PDPK1: variants seen among roughly 807,000 people sequenced by gnomAD.
PDPK1 encodes the protein 3-phosphoinositide-dependent protein kinase 1.
PDPK1 carries 7 observed loss-of-function variants against 39.8 expected under a neutral mutation model. That is an observed-to-expected ratio of 0.18 (90% CI 0.10 to 0.33). PDPK1 has a LOEUF of 0.33. Ranked by LOEUF, PDPK1 falls within the 10% of genes least tolerant of loss-of-function variation. The pLI is 1.00. For missense variants in PDPK1, 182 were observed against 384.7 expected (o/e 0.47, Z 4.41); for synonymous variants, 118 against 159.1 (o/e 0.74, Z 1.95).
At position 2,602,097 on chromosome 16, in the gene PDPK1, C is replaced by T. The variant is rs539689181; in HGVS notation, c.*4330C>T. 8.5e-5 allele frequency: 20 copies of T among 234,546 alleles called. No homozygotes were observed. Among genetic ancestry groups the T allele is most frequent in the African/African-American group, 3.7e-4 (17 of 45,392 alleles). The allele number at this position is 234,546 out of a possible 1,614,324, so 14.5% of individuals were successfully genotyped here. A position where few individuals can be genotyped will look rare whatever the true frequency, so the allele number is the denominator to read the frequency against. On this transcript the variant is annotated 3_prime_UTR_variant, in exon 14 of 14. Coordinates refer to ENST00000342085, the MANE Select transcript of PDPK1 (RefSeq NM_002613.5). The stretch of plus-strand genomic sequence containing the variant: ...TGGTCACTGCTGAGACTTCAGAGAT[C>T]GCAGCTGCTGTGAGAATACGGTGAA...
In PDPK1 at chr16:2,597,646, C is replaced by G. The variant is rs745520132; in HGVS notation, c.1555-5C>G. The G allele has an allele frequency of 4.9e-5, 78 of 1,602,094 alleles. No individual in the cohort carries two copies. The highest frequency in any genetic ancestry group is 6.2e-5 in the Non-Finnish European group (72 of 1,169,360). ...GAGAACACTAAACGGCTTCTGTCTT[C>G]GCAGCCTAACAGGACGTATTATCTG... On this transcript the variant is annotated splice_region_variant and splice_polypyrimidine_tract_variant and intron_variant, in intron 13 of 13. Transcript: ENST00000342085. The surrounding 1 kb of genome is among the most constrained non-coding windows in gnomAD (Gnocchi z 6.3).
intron 1 of PDPK1, among the ~76,000 whole-genome samples, chr16:2,556,357 A>ATTTTT (rs1174100741): frequency 1.0e-4 from 9 of 86,228 alleles, no homozygotes; most frequent in Admixed American, 1.3e-4. Flanking sequence ...CGCCCGGCCT[A>ATTTTT]TTTTTTTTTT....
At chr16:2,592,876 G>A (rs1237373586) in intron 11 of PDPK1, 2 of 456,662 alleles carry the variant, frequency 4.4e-6, no homozygotes, top group Non-Finnish European at 8.8e-6. Flanking sequence ...GGGGATGCTG[G>A]CGCGGGGGTG....
chr16:2,542,662 C>G (rs936958584), intron 1 of PDPK1, among the ~76,000 whole-genome samples: 1 of 152,254 alleles, frequency 6.6e-6, no homozygotes, highest in Non-Finnish European at 1.5e-5. Context: ...CAGTGACTTC[C>G]GTCATTCCAC....
chr16:2,578,324 C>G (rs1228230675), intron 7 of PDPK1: 2 of 150,484 alleles, frequency 1.3e-5, no homozygotes, highest in Non-Finnish European at 2.9e-5. Context: ...GAAAAAAGTG[C>G]AGATGGTACA....
chr16:2,596,754 C>G (rs1429732947), intron 12 of PDPK1, among the ~76,000 whole-genome samples: 1 of 152,126 alleles, frequency 6.6e-6, no homozygotes, highest in East Asian at 1.9e-4. Flanking sequence ...CACTTCCAAG[C>G]GCAGGCTCCT....
chr16:2,547,376 G>A (rs2066371032), intron 1 of PDPK1, among the ~76,000 whole-genome samples: 1 of 111,916 alleles, frequency 8.9e-6, no homozygotes, highest in Non-Finnish European at 1.7e-5. Flanking sequence ...GAGCGCTTCC[G>A]GCTGCTTTTC....
rs1291073049 is a variant in PDPK1 at position 2,597,828 on chromosome 16, G to A, written c.*61G>A. 22 of 1,170,838 alleles carry A rather than the reference G, an allele frequency of 1.9e-5. No individual in the cohort carries two copies. The highest frequency in any genetic ancestry group is 1.4e-4 in the East Asian group (6 of 41,650). The allele number at this position is 1,170,838 out of a possible 1,614,324, so 72.5% of individuals were successfully genotyped here. ...ACACCTGCCCCAGCGCGGCTTGGCC[G>A]CCATCCGGGACGCTTCCAGACCACC... On this transcript the variant is annotated 3_prime_UTR_variant, in exon 14 of 14. Coordinates refer to ENST00000342085, the MANE Select transcript of PDPK1 (RefSeq NM_002613.5). This position sits in a 1 kb window ranked among gnomAD's most constrained non-coding sequence, Gnocchi z 6.3.
intron 11 of PDPK1, among the ~76,000 whole-genome samples, chr16:2,595,154 T>C (rs1162025120): frequency 6.6e-6 from 1 of 152,186 alleles, no homozygotes; most frequent in Non-Finnish European, 1.5e-5. Context: ...CTTTTAGGAA[T>C]CAAAAGTGAC....
intron 1 of PDPK1, among the ~76,000 whole-genome samples, chr16:2,546,350 T>C (rs139884259): frequency 2.7e-5 from 4 of 150,838 alleles, no homozygotes; most frequent in Middle Eastern, 3.5e-3. Context: ...CCAAAGTGCT[T>C]TGAGACAGAG....
intron 1 of PDPK1, among the ~76,000 whole-genome samples, chr16:2,545,490 C>T (rs1206552898): frequency 1.3e-5 from 2 of 151,952 alleles, no homozygotes; most frequent in Non-Finnish European, 1.5e-5. Context: ...TGTGCCACCA[C>T]ACCTGGCTAA....
In PDPK1 at chr16:2,599,695, C is replaced by T. The variant is rs1257977992; in HGVS notation, c.*1928C>T. 4.3e-6 allele frequency: 1 copy of T among 233,274 alleles called. No homozygotes were observed. The highest frequency in any genetic ancestry group is 2.2e-5 in the African/African-American group (1 of 45,366). The allele number at this position is 233,274 out of a possible 1,614,324, so 14.5% of individuals were successfully genotyped here. A position where few individuals can be genotyped will look rare whatever the true frequency, so the allele number is the denominator to read the frequency against. On this transcript the variant is annotated 3_prime_UTR_variant, in exon 14 of 14. Transcript: ENST00000342085. ...TCTCTCTTAGCCCTTTCAGGAATTTCTGTTCAGGCTTCCTCCTCCTCATCA... is the reference window on the plus strand; with the variant it reads ...TCTCTCTTAGCCCTTTCAGGAATTTTTGTTCAGGCTTCCTCCTCCTCATCA...
chr16:2,577,884 G>A (rs1275751586), intron 7 of PDPK1, among the ~76,000 whole-genome samples: 7 of 148,854 alleles, frequency 4.7e-5, no homozygotes, highest in Non-Finnish European at 1.0e-4. Flanking sequence ...GACTACAGGC[G>A]CACGCCACCA....
chr16:2,585,714 G>T (rs966776749), intron 10 of PDPK1, among the ~76,000 whole-genome samples: 1 of 152,220 alleles, frequency 6.6e-6, no homozygotes, highest in Admixed American at 6.5e-5. Flanking sequence ...GCCCGTTGGC[G>T]AGCACCTTGC....
At chr16:2,541,188 A>G (rs1287905623) in intron 1 of PDPK1, among the ~76,000 whole-genome samples, 8 of 152,194 alleles carry the variant, frequency 5.3e-5, no homozygotes, top group Non-Finnish European at 5.9e-5. Flanking sequence ...TGGGGCCTGA[A>G]AAGAGGCCTT....
At chr16:2,585,843 G>T (rs2066861578) in intron 10 of PDPK1, among the ~76,000 whole-genome samples, 1 of 152,216 alleles carries the variant, frequency 6.6e-6, no homozygotes, top group Non-Finnish European at 1.5e-5. Flanking sequence ...CAGCAGCCAG[G>T]GCCTGCGTCT....
At position 2,538,153 on chromosome 16, in the gene PDPK1, G is replaced by A. The variant is rs1476289795; in HGVS notation, c.24+17G>A. 11 of 1,057,486 alleles carry A rather than the reference G, an allele frequency of 1.0e-5. No individual in the cohort carries two copies. The African/African-American group carries it at 1.7e-4, about 16-fold the overall frequency. 65.5% of individuals were successfully genotyped at this position (1,057,486 alleles called of 1,614,324 possible). A position where few individuals can be genotyped will look rare whatever the true frequency, so the allele number is the denominator to read the frequency against. On this transcript the variant is annotated intron_variant, in intron 1 of 13. Coordinates refer to ENST00000342085, the MANE Select transcript of PDPK1 (RefSeq NM_002613.5). ...AGCCAGCTGGTGAGCGCGCGGCGGC[G>A]GACTGGACGCGCCGGTTTGTTACCC...
intron 11 of PDPK1, 60 bp from the exon 12 acceptor site, chr16:2,595,733 C>T (rs1178122561): frequency 3.1e-5 from 40 of 1,311,436 alleles, no homozygotes; most frequent in Non-Finnish European, 4.0e-5. Flanking sequence ...GCAGGAGGAG[C>T]GTGGAGAATT....
intron 11 of PDPK1, among the ~76,000 whole-genome samples, chr16:2,589,092 A>G (rs539764576): frequency 4.1e-4 from 63 of 152,164 alleles, no homozygotes; most frequent in African/African-American, 1.5e-3. Context: ...AGTAGCTGGG[A>G]TTACAGGCAC....
Sources: gnomAD v4.1 joint callset for allele counts (sites outside exome capture counted in the v4.1 genomes callset) on GRCh38, gnomAD v4.1.1 for gene constraint, Gnocchi (gnomAD v3.1) non-coding constraint, MANE v1.5 for transcripts, NCBI Gene and HGNC (gene_info 2026-07-23, HGNC 2026-07-21) for gene names.